SOX5: variants seen among roughly 807,000 people sequenced by gnomAD.
The protein encoded by SOX5 is SRY-box transcription factor 5.
SOX5 carries 9 observed loss-of-function variants against 92.0 expected under a neutral mutation model. That is an observed-to-expected ratio of 0.10 (90% CI 0.06 to 0.17). The LOEUF is 0.17. SOX5 is among the 10% of genes least tolerant of loss of function. The probability of loss-of-function intolerance (pLI) is 1.00; values close to 1 mark genes in which losing one functional copy is unlikely to be tolerated. For synonymous variants in SOX5, 344 were observed against 336.3 expected (o/e 1.02, Z -0.25); for missense variants, 642 against 944.5 (o/e 0.68, Z 4.20).
chr12:24,238,233 T>C (rs1408419892), intron 3 of SOX5, among the ~76,000 whole-genome samples: 4 of 152,104 alleles, frequency 2.6e-5, no homozygotes, highest in Non-Finnish European at 4.4e-5. Flanking sequence ...GAACATCTTT[T>C]CTCTCCATGG....
intron 1 of SOX5, among the ~76,000 whole-genome samples, chr12:23,919,513 T>C (rs1182557389): frequency 6.6e-6 from 1 of 152,222 alleles, no homozygotes; most frequent in Admixed American, 6.5e-5. Flanking sequence ...AATACTTATA[T>C]AGCAACTAAG....
intron 4 of SOX5, among the ~76,000 whole-genome samples, chr12:23,991,683 A>T (rs1348864318): frequency 6.6e-6 from 1 of 151,904 alleles, no homozygotes; most frequent in Non-Finnish European, 1.5e-5. Flanking sequence ...TTCATTTGAT[A>T]ATAAAATAAT....
chr12:24,194,980 C>T (rs1272885037), intron 4 of SOX5, among the ~76,000 whole-genome samples: 5 of 151,976 alleles, frequency 3.3e-5, no homozygotes, highest in Non-Finnish European at 4.4e-5. Context: ...AGATAGTAAG[C>T]TTGATGGCAA....
At chr12:23,636,545 T>C (rs1297886231) in intron 8 of SOX5, among the ~76,000 whole-genome samples, 3 of 152,178 alleles carry the variant, frequency 2.0e-5, no homozygotes, top group Non-Finnish European at 2.9e-5. Flanking sequence ...ATATGGTAGG[T>C]AAACAAAGTC....
Position 23,531,536 on chromosome 12 carries a change from A to G in SOX5, c.*2683T>C, listed in dbSNP as rs1939082204. 1 of 152,218 alleles carries G rather than the reference A, an allele frequency of 6.6e-6. No individual in the cohort carries two copies. Among genetic ancestry groups the G allele is most frequent in the Admixed American group, 6.5e-5 (1 of 15,286 alleles). The allele number at this position is 152,218 out of a possible 1,614,324, so 9.4% of individuals were successfully genotyped here. A position where few individuals can be genotyped will look rare whatever the true frequency, so the allele number is the denominator to read the frequency against. ...ATAACATGGTGTAAAGTAAGTATCC[A>G]GCAAACGTGAGAGGTGAACCCACAT... is the stretch of plus-strand genomic sequence containing the variant. On this transcript the variant is annotated 3_prime_UTR_variant, in exon 15 of 15. Coordinates refer to ENST00000451604, the MANE Select transcript of SOX5 (RefSeq NM_006940.6).
At chr12:23,604,603 G>C in intron 8 of SOX5, 70 bp from the exon 9 acceptor site, 2 of 1,443,274 alleles carry the variant, frequency 1.4e-6, no homozygotes, top group South Asian at 1.2e-5. Flanking sequence ...CATTCAGAAA[G>C]TACATATATT....
At chr12:23,798,321 A>T (rs1000506652) in intron 3 of SOX5, among the ~76,000 whole-genome samples, 8 of 151,962 alleles carry the variant, frequency 5.3e-5, no homozygotes, top group Non-Finnish European at 7.4e-5. Context: ...GCCTGAAAAA[A>T]ATACAAAATT....
chr12:23,622,123 G>C (rs773273005), intron 8 of SOX5, among the ~76,000 whole-genome samples: 11 of 152,026 alleles, frequency 7.2e-5, no homozygotes, highest in Admixed American at 7.2e-4. Context: ...CCTTTGGACT[G>C]CTTCCCACCA....
chr12:23,739,307 A>T (rs1005896562), intron 5 of SOX5, among the ~76,000 whole-genome samples: 11 of 151,946 alleles, frequency 7.2e-5, no homozygotes, highest in African/African-American at 1.5e-4. Context: ...TTTACTACCA[A>T]TTTTTTTTAA....
chr12:23,966,610 A>C (rs904333839), intron 4 of SOX5, among the ~76,000 whole-genome samples: 6 of 152,108 alleles, frequency 3.9e-5, no homozygotes, highest in African/African-American at 1.4e-4. Context: ...AAAATCTGAG[A>C]AGTGATATAA....
Position 24,078,080 on chromosome 12 carries a change from A to G in SOX5, c.-2+135263T>C, listed in dbSNP as rs960445589. ...TATGTACACAGATGAAATAACTTCCATAAAACACATGACAACAAAATACAT... is the reference window on the plus strand; with the variant it reads ...TATGTACACAGATGAAATAACTTCCGTAAAACACATGACAACAAAATACAT... On this transcript the variant is annotated intron_variant, in intron 4 of 4. Transcript: ENST00000446891. Among the ~76,000 whole-genome samples, 8 of 152,174 alleles carry G rather than the reference A, an allele frequency of 5.3e-5. No homozygotes were observed. The East Asian group carries it at 5.8e-4, about 11-fold the overall frequency.
intron 2 of SOX5, among the ~76,000 whole-genome samples, chr12:24,298,649 T>C (rs942687612): frequency 1.2e-4 from 19 of 152,020 alleles, no homozygotes; most frequent in African/African-American, 3.6e-4. Flanking sequence ...TTATTTCTAG[T>C]ATTTTACATA....
intron 1 of SOX5, among the ~76,000 whole-genome samples, chr12:24,397,912 C>T (rs544753171): frequency 1.3e-4 from 19 of 151,884 alleles, no homozygotes; most frequent in Admixed American, 2.6e-4. Flanking sequence ...TGCAGTGGCA[C>T]GATCTCGGCT....
intron 1 of SOX5, among the ~76,000 whole-genome samples, chr12:24,388,332 G>T (rs942283636): frequency 6.6e-6 from 1 of 152,068 alleles, no homozygotes. Flanking sequence ...ATCAAAAGAC[G>T]CCCCTGTTCC....
intron 5 of SOX5, among the ~76,000 whole-genome samples, chr12:23,739,696 A>T (rs953424147): frequency 2.6e-5 from 4 of 152,148 alleles, no homozygotes. Flanking sequence ...ATTAAGGCCT[A>T]TAAGCCTGCC....
intron 1 of SOX5, among the ~76,000 whole-genome samples, chr12:24,521,898 A>C (rs1389114558): frequency 6.6e-6 from 1 of 152,084 alleles, no homozygotes; most frequent in Non-Finnish European, 1.5e-5. Context: ...TACCTCCAAG[A>C]AATGTAAAAC....
intron 1 of SOX5, among the ~76,000 whole-genome samples, chr12:24,471,777 C>T (rs1566248966): frequency 6.6e-6 from 1 of 152,056 alleles, no homozygotes; most frequent in South Asian, 2.1e-4. Flanking sequence ...AATGGTGTAG[C>T]TTTCACACAT....
chr12:23,690,966 G>C (rs1163145502), intron 6 of SOX5, among the ~76,000 whole-genome samples: 3 of 152,168 alleles, frequency 2.0e-5, no homozygotes, highest in Non-Finnish European at 4.4e-5. Flanking sequence ...TCCAGACTGG[G>C]AAGGGAGCAC....
At chr12:24,443,978 C>G (rs926414835) in intron 1 of SOX5, among the ~76,000 whole-genome samples, 1 of 152,132 alleles carries the variant, frequency 6.6e-6, no homozygotes, top group African/African-American at 2.4e-5. Context: ...CTTCCAGAAA[C>G]CTGTGGTCTT....
Sources: allele counts gnomAD v4.1 joint callset (sites outside exome capture counted in the v4.1 genomes callset), GRCh38; gene constraint gnomAD v4.1.1; transcripts MANE v1.5; gene names NCBI Gene and HGNC (gene_info 2026-07-23, HGNC 2026-07-21).